Variants in MYRFL observed in about 807,000 individuals in gnomAD.
The protein encoded by MYRFL is myelin regulatory factor-like protein.
In MYRFL, 88 loss-of-function variants were observed where a neutral mutation model predicts 109.4. The observed-to-expected ratio is 0.80, with a 90% confidence interval of 0.68 to 0.96. The LOEUF (loss-of-function observed/expected upper bound fraction) is 0.96, where lower values mean the gene tolerates loss of function less well. Ranked by LOEUF, MYRFL falls within the 40% of genes least tolerant of loss-of-function variation. The probability of loss-of-function intolerance (pLI) is 0.00; values close to 1 mark genes in which losing one functional copy is unlikely to be tolerated. For synonymous variants in MYRFL, 324 were observed against 320.9 expected (o/e 1.01, Z -0.10); for missense variants, 957 against 954.9 (o/e 1.00, Z -0.03).
intron 7 of MYRFL, 122 bp downstream of exon 7, chr12:69,891,288 C>A: frequency 1.4e-6 from 1 of 714,966 alleles, no homozygotes; most frequent in Non-Finnish European, 2.1e-6. Flanking sequence ...ATTTTGGTCA[C>A]AAATCTGCAA....
chr12:69,830,864 A>G (rs1882587863), intron 1 of MYRFL, among the ~76,000 whole-genome samples: 1 of 151,986 alleles, frequency 6.6e-6, no homozygotes, highest in South Asian at 2.1e-4. Flanking sequence ...AAATCACCCA[A>G]ACAAACCCTT....
At chr12:69,828,412 C>T (rs558955546) in intron 1 of MYRFL, among the ~76,000 whole-genome samples, 4 of 152,168 alleles carry the variant, frequency 2.6e-5, no homozygotes, top group Admixed American at 2.0e-4. Flanking sequence ...TCCTTTGAAA[C>T]GGTTGTAACA....
At chr12:69,910,756 A>T in intron 12 of MYRFL, 65 bp from the exon 13 acceptor site, 2 of 1,206,520 alleles carry the variant, frequency 1.7e-6, no homozygotes, top group Non-Finnish European at 2.3e-6. Context: ...GCAAAAGCTT[A>T]GAGAGGATTT....
intron 1 of MYRFL, among the ~76,000 whole-genome samples, chr12:69,834,809 A>G (rs1882840029): frequency 6.6e-6 from 1 of 152,264 alleles, no homozygotes; most frequent in Non-Finnish European, 1.5e-5. Context: ...GCCAAGCAAC[A>G]AAGGACAAAG....
chr12:69,917,880 A>G (rs1377623545), intron 13 of MYRFL, among the ~76,000 whole-genome samples: 1 of 150,792 alleles, frequency 6.6e-6, no homozygotes, highest in Admixed American at 6.6e-5. Context: ...ATTGGCTTTG[A>G]GATGTCAACT....
At chr12:69,957,149 AGAG>A (rs1956116241) in intron 22 of MYRFL, among the ~76,000 whole-genome samples, 1 of 152,246 alleles carries the variant, frequency 6.6e-6, no homozygotes. Flanking sequence ...GCCAACCTCC[AGAG>A]AAGAAGAACC....
chr12:69,886,615 C>G (rs1886467408), intron 5 of MYRFL, among the ~76,000 whole-genome samples: 1 of 152,162 alleles, frequency 6.6e-6, no homozygotes, highest in Admixed American at 6.5e-5. Flanking sequence ...GTGTTTACCC[C>G]CCACCCTTTG....
intron 13 of MYRFL, among the ~76,000 whole-genome samples, chr12:69,922,384 A>G (rs1455230198): frequency 6.6e-6 from 1 of 152,228 alleles, no homozygotes; most frequent in Non-Finnish European, 1.5e-5. Flanking sequence ...TACCAGGATT[A>G]GAAAATTTAG....
At chr12:69,951,065 A>G (rs1043934751) in intron 19 of MYRFL, among the ~76,000 whole-genome samples, 5 of 152,224 alleles carry the variant, frequency 3.3e-5, no homozygotes, top group South Asian at 4.1e-4. Flanking sequence ...TACAGAGGTA[A>G]TATGCCCTTC....
At chr12:69,833,615 A>C (rs1882765361) in intron 1 of MYRFL, among the ~76,000 whole-genome samples, 1 of 152,168 alleles carries the variant, frequency 6.6e-6, no homozygotes, top group Non-Finnish European at 1.5e-5. Flanking sequence ...TATTTTAGAG[A>C]GGAGGAAACA....
At chr12:69,905,508 C>CT (rs1287337178) in intron 11 of MYRFL, among the ~76,000 whole-genome samples, 4 of 152,146 alleles carry the variant, frequency 2.6e-5, no homozygotes, top group Non-Finnish European at 5.9e-5. Context: ...GGTTAGAAGT[C>CT]TAAGAGTTTA....
At chr12:69,907,591 C>T (rs970218875) in intron 11 of MYRFL, among the ~76,000 whole-genome samples, 25 of 152,210 alleles carry the variant, frequency 1.6e-4, no homozygotes, top group African/African-American at 5.5e-4. Context: ...CCAGTCCAGG[C>T]TGGCTCCTGA....
intron 19 of MYRFL, among the ~76,000 whole-genome samples, chr12:69,943,920 A>C (rs1322476298): frequency 1.3e-5 from 2 of 151,606 alleles, no homozygotes; most frequent in Non-Finnish European, 2.9e-5. Flanking sequence ...GCAGCCAAAA[A>C]ACACATGAAA....
intron 2 of MYRFL, among the ~76,000 whole-genome samples, chr12:69,877,598 T>C (rs929800219): frequency 6.6e-6 from 1 of 152,210 alleles, no homozygotes; most frequent in Non-Finnish European, 1.5e-5. Context: ...GCTCATATTC[T>C]TTATTATGTC....
intron 19 of MYRFL, among the ~76,000 whole-genome samples, chr12:69,950,165 T>C (rs536965942): frequency 3.1e-4 from 47 of 152,300 alleles, no homozygotes; most frequent in African/African-American, 1.0e-3. Context: ...TCTACTTGTA[T>C]GAAGAAGGTT....
At chr12:69,891,635 CT>C (rs61590415) in intron 7 of MYRFL, among the ~76,000 whole-genome samples, 1 of 12,442 alleles carries the variant, frequency 8.0e-5, no homozygotes, top group East Asian at 2.6e-3. Context: ...TCCTTCCTTT[CT>C]TTTTCTTTCT....
chr12:69,932,489 G>C, intron 15 of MYRFL, 24 bp from the exon 16 acceptor site: 2 of 1,486,710 alleles, frequency 1.3e-6, no homozygotes, highest in Non-Finnish European at 1.8e-6. Flanking sequence ...ATTTATCACT[G>C]CTCATTACTG....
intron 19 of MYRFL, among the ~76,000 whole-genome samples, chr12:69,951,479 G>T (rs548776507): frequency 6.9e-6 from 1 of 144,702 alleles, no homozygotes; most frequent in Non-Finnish European, 1.5e-5. Flanking sequence ...CCAGGCTGGA[G>T]TGCAATGGCG....
In MYRFL at chr12:69,825,532, C is replaced by T. The variant is rs769623911; in HGVS notation, c.15C>T (p.Gly5=). Residue 5 remains glycine, a synonymous_variant, in exon 1 of 25, where the codon GGC becomes GGT. Transcript: ENST00000552032. MDVV[G]ENEALQQFFE... is the part of the protein sequence containing the mutation. Reference sequence around the variant, plus strand: ...ATCACAGTACCATGGATGTGGTAGGCGAAAATGAGGCCCTGCAGCAGTTCT... The same window carrying T: ...ATCACAGTACCATGGATGTGGTAGGTGAAAATGAGGCCCTGCAGCAGTTCT... 15 of 701,806 alleles carry T rather than the reference C, an allele frequency of 2.1e-5. No homozygotes were observed. The highest frequency in any genetic ancestry group is 1.8e-4 in the South Asian group (12 of 67,506). The allele number at this position is 701,806 out of a possible 1,614,324, so 43.5% of individuals were successfully genotyped here.
Sources: allele counts gnomAD v4.1 joint callset (sites outside exome capture counted in the v4.1 genomes callset), GRCh38; gene constraint gnomAD v4.1.1; transcripts MANE v1.5; gene names NCBI Gene and HGNC (gene_info 2026-07-23, HGNC 2026-07-21).